Variants in MAP2 observed in about 807,000 individuals in gnomAD.
MAP2 encodes the protein microtubule-associated protein 2.
In MAP2, 14 loss-of-function variants were observed where a neutral mutation model predicts 137.6. That is an observed-to-expected ratio of 0.10 (90% CI 0.07 to 0.16). MAP2 has a LOEUF of 0.16. Among genes scored for constraint, MAP2 ranks in the 10% least tolerant of loss-of-function variants. The pLI, the probability that MAP2 is intolerant of heterozygous loss-of-function variation, is 1.00. For missense variants in MAP2, 2,088 were observed against 2,191.5 expected (o/e 0.95, Z 0.94); for synonymous variants, 786 against 782.3 (o/e 1.00, Z -0.08).
At chr2:209,699,235 A>T (rs2061095555) in intron 10 of MAP2, among the ~76,000 whole-genome samples, 1 of 152,170 alleles carries the variant, frequency 6.6e-6, no homozygotes, top group Non-Finnish European at 1.5e-5. Context: ...CTCACTAGCT[A>T]GTCCTACATG....
intron 5 of MAP2, among the ~76,000 whole-genome samples, chr2:209,672,962 T>C (rs1180785769): frequency 2.0e-5 from 3 of 151,794 alleles, no homozygotes; most frequent in Non-Finnish European, 2.9e-5. Flanking sequence ...CCAATATATT[T>C]CCTTAATACC....
At chr2:209,715,965 A>T (rs1584421757) in intron 13 of MAP2, among the ~76,000 whole-genome samples, 1 of 152,000 alleles carries the variant, frequency 6.6e-6, no homozygotes, top group South Asian at 2.1e-4. Flanking sequence ...TAACCATCTG[A>T]TTTTGTGCCC....
At chr2:209,559,212 T>TCCCCGCCGACGCCTCCTTCCCTCC (rs1193961585) in intron 2 of MAP2, among the ~76,000 whole-genome samples, 2 of 152,012 alleles carry the variant, frequency 1.3e-5, no homozygotes, top group Non-Finnish European at 2.9e-5. Context: ...TCCTTCTCTC[T>TCCCCGCCGACGCCTCCTTCCCTCC]CCCCGCCGAC....
chr2:209,661,805 G>C, intron 5 of MAP2: 1 of 403,248 alleles, frequency 2.5e-6, no homozygotes, highest in Non-Finnish European at 3.4e-6. Context: ...CCTAATTTAG[G>C]GCTAGCTTAT....
chr2:209,607,948 A>G (rs978703177), intron 3 of MAP2, among the ~76,000 whole-genome samples: 20 of 152,130 alleles, frequency 1.3e-4, no homozygotes, highest in African/African-American at 4.6e-4. Context: ...CTTTTCTGTC[A>G]CACTCTTTTC....
intron 9 of MAP2, 76 bp from the exon 10 acceptor site, chr2:209,696,839 TTA>T (rs2060298179): frequency 6.5e-7 from 1 of 1,542,348 alleles, no homozygotes; most frequent in Non-Finnish European, 8.8e-7. Flanking sequence ...AACTAATTAT[TTA>T]TAAAATTTCG....
intron 1 of MAP2, among the ~76,000 whole-genome samples, chr2:209,499,451 C>T (rs1318486832): frequency 6.6e-6 from 1 of 152,158 alleles, no homozygotes; most frequent in Non-Finnish European, 1.5e-5. Context: ...TCTTCTGAGC[C>T]ATCCAGACTC....
At chr2:209,523,039 TTAAATTAGTTA>T in intron 2 of MAP2, among the ~76,000 whole-genome samples, 1 of 152,348 alleles carries the variant, frequency 6.6e-6, no homozygotes, top group East Asian at 1.9e-4. Flanking sequence ...TGCATTCAGC[TTAAATTAGTTA>T]AGTCAGTAAA....
intron 1 of MAP2, among the ~76,000 whole-genome samples, chr2:209,497,703 T>C (rs912796886): frequency 2.0e-5 from 3 of 152,050 alleles, no homozygotes; most frequent in African/African-American, 7.2e-5. Flanking sequence ...AAGCAAGCAA[T>C]GGAGAGAACA....
intron 1 of MAP2, among the ~76,000 whole-genome samples, chr2:209,444,358 GC>G (rs1179377672): frequency 6.6e-6 from 1 of 151,576 alleles, no homozygotes; most frequent in East Asian, 1.9e-4. Context: ...AATAATTCAT[GC>G]CTAAATATTA....
intron 3 of MAP2, among the ~76,000 whole-genome samples, chr2:209,613,823 G>C (rs1052761797): frequency 6.6e-6 from 1 of 152,154 alleles, no homozygotes; most frequent in Admixed American, 6.6e-5. Context: ...AAATACCAAA[G>C]GTAGCTGATG....
At chr2:209,640,969 T>G (rs74436298) in intron 4 of MAP2, among the ~76,000 whole-genome samples, 23,673 of 151,444 alleles carry the variant, frequency 0.16, 2,594 homozygotes, top group African/African-American at 0.3. Flanking sequence ...TAGCATCTTC[T>G]TCCATGATGT....
chr2:209,485,279 G>C (rs1210748699), intron 1 of MAP2, among the ~76,000 whole-genome samples: 1 of 152,132 alleles, frequency 6.6e-6, no homozygotes, highest in Non-Finnish European at 1.5e-5. Context: ...GTACCAACAG[G>C]AATTTAATCA....
intron 4 of MAP2, among the ~76,000 whole-genome samples, chr2:209,633,109 A>G (rs1275138542): frequency 6.6e-6 from 1 of 152,136 alleles, no homozygotes; most frequent in Non-Finnish European, 1.5e-5. Context: ...TAACCTCAGC[A>G]GGTGACTTGT....
intron 13 of MAP2, among the ~76,000 whole-genome samples, chr2:209,712,954 A>G (rs529782267): frequency 9.8e-5 from 15 of 152,302 alleles, no homozygotes; most frequent in African/African-American, 3.6e-4. Flanking sequence ...GGGTTGGCCA[A>G]CGCAGAAACA....
intron 1 of MAP2, among the ~76,000 whole-genome samples, chr2:209,468,228 C>G (rs751870976): frequency 2.0e-5 from 3 of 150,052 alleles, no homozygotes; most frequent in South Asian, 2.1e-4. Flanking sequence ...TTTATCTGAT[C>G]ATTAATTTTT....
intron 1 of MAP2, among the ~76,000 whole-genome samples, chr2:209,431,166 G>A (rs865868533): frequency 9.2e-5 from 14 of 152,008 alleles, no homozygotes; most frequent in East Asian, 5.8e-4. Context: ...TTATTTAGTC[G>A]CTTCCCAAAT....
At chr2:209,703,746 C>A (rs534337537) in intron 11 of MAP2, among the ~76,000 whole-genome samples, 2 of 152,052 alleles carry the variant, frequency 1.3e-5, no homozygotes, top group East Asian at 3.9e-4. Context: ...CATATCTAAG[C>A]AATATTACTC....
intron 5 of MAP2, among the ~76,000 whole-genome samples, chr2:209,667,842 A>G (rs562304650): frequency 1.3e-5 from 2 of 152,072 alleles, no homozygotes; most frequent in South Asian, 4.1e-4. Context: ...GCAGAATTAG[A>G]AAGTAAATGA....
Sources: allele counts gnomAD v4.1 joint callset (sites outside exome capture counted in the v4.1 genomes callset), GRCh38; gene constraint gnomAD v4.1.1; transcripts MANE v1.5; gene names NCBI Gene and HGNC (gene_info 2026-07-23, HGNC 2026-07-21).